The following EPB41L3 variants were observed in gnomAD, a reference collection of about 807,000 sequenced individuals.
EPB41L3 encodes band 4.1-like protein 3.
A neutral mutation model predicts 127.1 loss-of-function variants in EPB41L3; 57 were observed. The ratio of observed to expected loss-of-function variants is 0.45; its 90% CI spans 0.36 to 0.56. The LOEUF (loss-of-function observed/expected upper bound fraction) is 0.56, where lower values mean the gene tolerates loss of function less well. Among genes scored for constraint, EPB41L3 ranks in the 20% least tolerant of loss-of-function variants. The probability of loss-of-function intolerance (pLI) is 0.00; values close to 1 mark genes in which losing one functional copy is unlikely to be tolerated. For synonymous variants in EPB41L3, 572 were observed against 549.5 expected, an observed-to-expected ratio of 1.04 and a Z score of -0.57; for missense variants, 1,273 against 1,372.2, an observed-to-expected ratio of 0.93 and a Z score of 1.14.
chr18:5,396,343 G>C lies in EPB41L3; in HGVS notation c.2842-11C>G, dbSNP rs2073456998. 6.2e-7 allele frequency: 1 copy of C among 1,614,128 alleles called. No individual in the cohort carries two copies. The highest frequency in any genetic ancestry group is 1.7e-5 in the Admixed American group (1 of 60,028). ...CTTCACCGTTGAGGACTGTGCCAAA[G>C]GGGAGTAAGCAGAGTGGCTGTTATA... On this transcript the variant is annotated splice_polypyrimidine_tract_variant and intron_variant, in intron 18 of 22. Coordinates refer to ENST00000341928, the MANE Select transcript of EPB41L3 (RefSeq NM_012307.5).
At chr18:5,624,966 C>T (rs1264141841) in intron 1 of EPB41L3, among the ~76,000 whole-genome samples, 1 of 152,040 alleles carries the variant, frequency 6.6e-6, no homozygotes, top group Non-Finnish European at 1.5e-5. Flanking sequence ...GGAGGAAGGG[C>T]ATTTCAGTTG....
chr18:5,625,023 T>C (rs1373238778), intron 1 of EPB41L3, among the ~76,000 whole-genome samples: 1 of 152,048 alleles, frequency 6.6e-6, no homozygotes, highest in Non-Finnish European at 1.5e-5. Flanking sequence ...CCTAAAGGCA[T>C]GCATAGGAAC....
intron 1 of EPB41L3, among the ~76,000 whole-genome samples, chr18:5,501,642 T>C (rs1357335563): frequency 6.6e-6 from 1 of 152,234 alleles, no homozygotes; most frequent in Non-Finnish European, 1.5e-5. Flanking sequence ...ACAATAGAAT[T>C]TATCACAATT....
intron 14 of EPB41L3, 114 bp downstream of exon 14, chr18:5,410,452 A>C (rs2076054081): frequency 1.3e-6 from 1 of 759,488 alleles, no homozygotes; most frequent in Admixed American, 1.9e-5. Flanking sequence ...CAACTGTTAA[A>C]GTTAGAACTG....
At chr18:5,434,721 C>G (rs2145840913) in intron 6 of EPB41L3, among the ~76,000 whole-genome samples, 1 of 152,320 alleles carries the variant, frequency 6.6e-6, no homozygotes, top group African/African-American at 2.4e-5. Context: ...CTAGCACATA[C>G]AATCATGTGC....
At chr18:5,548,555 C>T (rs2093918307), upstream of EPB41L3, among the ~76,000 whole-genome samples, 2 of 152,126 alleles carry the variant, frequency 1.3e-5, no homozygotes, top group Non-Finnish European at 2.9e-5. Flanking sequence ...AAAGAATAGA[C>T]TTAAAGGTGG....
At chr18:5,420,136 A>G in intron 11 of EPB41L3, 1 of 609,304 alleles carries the variant, frequency 1.6e-6, no homozygotes, top group Non-Finnish European at 2.7e-6. Context: ...AAAATTCGTG[A>G]AATGCTCATG....
chr18:5,538,646 C>A (rs74462314), intron 1 of EPB41L3, among the ~76,000 whole-genome samples: 5,839 of 152,190 alleles, frequency 0.038, 263 homozygotes, highest in African/African-American at 0.1. Flanking sequence ...TATCATCTCC[C>A]AGCACTAATC....
At chr18:5,407,542 A>G (rs1423716526) in intron 15 of EPB41L3, among the ~76,000 whole-genome samples, 159 bp downstream of exon 15, 1 of 152,264 alleles carries the variant, frequency 6.6e-6, no homozygotes, top group Non-Finnish European at 1.5e-5. Context: ...TAAAGGACAC[A>G]GTTGTCAAGG....
chr18:5,499,829 G>GTATATATATATATATATATATATATA (rs35194563), intron 1 of EPB41L3, among the ~76,000 whole-genome samples: 11 of 124,638 alleles, frequency 8.8e-5, no homozygotes, highest in African/African-American at 3.1e-4. Context: ...CTATGTGTGT[G>GTATATATATATATATATATATATATA]TATATATATA....
intron 1 of EPB41L3, among the ~76,000 whole-genome samples, chr18:5,495,011 C>T (rs1203367572): frequency 1.3e-5 from 2 of 152,170 alleles, no homozygotes; most frequent in Non-Finnish European, 1.5e-5. Context: ...AACTCAGAGA[C>T]CACACAGGCC....
At chr18:5,481,203 T>C (rs2088433836) in intron 2 of EPB41L3, among the ~76,000 whole-genome samples, 1 of 152,210 alleles carries the variant, frequency 6.6e-6, no homozygotes. Flanking sequence ...ACATTCATTT[T>C]AAAGTGGTGG....
intron 1 of EPB41L3, among the ~76,000 whole-genome samples, chr18:5,625,127 AAAGGAG>A (rs1221245512): frequency 6.6e-6 from 1 of 152,188 alleles, no homozygotes; most frequent in East Asian, 1.9e-4. Context: ...ATACAAATCA[AAAGGAG>A]TTTTCACTCA....
intron 3 of EPB41L3, among the ~76,000 whole-genome samples, chr18:5,595,652 A>T (rs936159041): frequency 6.6e-6 from 1 of 152,132 alleles, no homozygotes; most frequent in Admixed American, 6.5e-5. Context: ...CAGCAGCTCA[A>T]ACAGTGCCTT....
chr18:5,623,800 AC>A (rs1229285156), intron 1 of EPB41L3, among the ~76,000 whole-genome samples: 1 of 152,000 alleles, frequency 6.6e-6, no homozygotes, highest in African/African-American at 2.4e-5. Flanking sequence ...GGCATGAGCC[AC>A]CACACCAGGC....
At chr18:5,423,065 G>C (rs1436000442) in intron 11 of EPB41L3, among the ~76,000 whole-genome samples, 1 of 152,174 alleles carries the variant, frequency 6.6e-6, no homozygotes, top group Non-Finnish European at 1.5e-5. Context: ...AAATCACAGA[G>C]TATGTGACTA....
At chr18:5,523,377 A>G (rs976768829) in intron 1 of EPB41L3, among the ~76,000 whole-genome samples, 58 of 152,244 alleles carry the variant, frequency 3.8e-4, no homozygotes, top group African/African-American at 1.3e-3. Context: ...GAAACAATAA[A>G]CCAACACTCC....
At chr18:5,476,894 C>T (rs2087343981) in intron 3 of EPB41L3, among the ~76,000 whole-genome samples, 1 of 152,128 alleles carries the variant, frequency 6.6e-6, no homozygotes, top group Non-Finnish European at 1.5e-5. Flanking sequence ...TAGTTTTGTG[C>T]ACGGTCCTTG....
chr18:5,428,542 T>C (rs2078542804), intron 8 of EPB41L3, 77 bp from the exon 9 acceptor site: 1 of 1,545,082 alleles, frequency 6.5e-7, no homozygotes, highest in Non-Finnish European at 8.9e-7. Context: ...TATTTAAGCA[T>C]CCACGACAGA....
Sources: gnomAD v4.1 joint callset for allele counts (sites outside exome capture counted in the v4.1 genomes callset) on GRCh38, gnomAD v4.1.1 for gene constraint, MANE v1.5 for transcripts, NCBI Gene and HGNC (gene_info 2026-07-23, HGNC 2026-07-21) for gene names.